ZFP62: variants seen among roughly 807,000 people sequenced by gnomAD.
ZFP62 encodes ZFP62 zinc finger protein, also known as zinc finger protein 62 homolog.
Under a neutral mutation model 56.4 loss-of-function variants are expected in ZFP62, and 44 were observed. The ratio of observed to expected loss-of-function variants is 0.78; its 90% CI spans 0.61 to 1.00. ZFP62 has a LOEUF of 1.00. Among genes scored for constraint, ZFP62 ranks in the 50% least tolerant of loss-of-function variants. ZFP62 has a pLI of 0.00. For synonymous variants in ZFP62, 421 were observed against 388.9 expected (o/e 1.08, Z -0.97); for missense variants, 1,030 against 1,085.7 (o/e 0.95, Z 0.72).
chr5:180,840,739 G>A, the ZFP62 span, among the ~76,000 whole-genome samples: 1 of 151,864 alleles, frequency 6.6e-6, no homozygotes, highest in Non-Finnish European at 1.5e-5. Context: ...TAGCCTGGGC[G>A]ACAGAGCGAG....
downstream of ZFP62, chr5:180,847,543 T>A: frequency 1.0e-6 from 1 of 971,882 alleles, no homozygotes; most frequent in Non-Finnish European, 1.2e-6. Context: ...GGATCTGGTA[T>A]AACTTACCCA....
chr5:180,858,257 C>CAA lies in ZFP62; in HGVS notation c.1+2960_1+2961dup, dbSNP rs1159409435. ...GGGCAAGAAGAGTGAAACTCTGTCT[C>CAA]AAAAAAAAAAAAAAAAAAAAAGAAA... On this transcript the variant is annotated intron_variant, in intron 1 of 1. Coordinates refer to ENST00000502412, the MANE Select transcript of ZFP62 (RefSeq NM_001172638.2). Among the ~76,000 whole-genome samples, 127 of 40,250 alleles carry CAA rather than the reference C, an allele frequency of 3.2e-3. 5 individuals carry two copies. The highest frequency in any genetic ancestry group is 0.015 in the South Asian group (8 of 534). 26.4% of individuals were successfully genotyped at this position (40,250 alleles called of 152,430 possible). A position where few individuals can be genotyped will look rare whatever the true frequency, so the allele number is the denominator to read the frequency against.
chr5:180,828,374 C>T, the ZFP62 span, among the ~76,000 whole-genome samples: 1 of 152,150 alleles, frequency 6.6e-6, no homozygotes, highest in African/African-American at 2.4e-5. Flanking sequence ...GTGGGCAACA[C>T]CCCAATCCTC....
chr5:180,835,969 A>G, the ZFP62 span, among the ~76,000 whole-genome samples: 1 of 152,248 alleles, frequency 6.6e-6, no homozygotes, highest in Non-Finnish European at 1.5e-5. Context: ...CCATACAATT[A>G]TAACACCATT....
intron 1 of ZFP62, among the ~76,000 whole-genome samples, chr5:180,856,952 CAAAAAAAAAAAAA>C (rs758729037): frequency 3.1e-5 from 2 of 63,698 alleles, no homozygotes; most frequent in Non-Finnish European, 5.3e-5. Context: ...GACTATGTCT[CAAAAAAAAAAAAA>C]AAAAAAAAAA....
chr5:180,838,981 TACTA>T, the ZFP62 span, among the ~76,000 whole-genome samples: 5 of 152,214 alleles, frequency 3.3e-5, no homozygotes, highest in Non-Finnish European at 5.9e-5. Flanking sequence ...ACACTGTTGA[TACTA>T]ACAAAAACTG....
intron 1 of ZFP62, among the ~76,000 whole-genome samples, chr5:180,852,527 C>T (rs1415930977): frequency 1.3e-5 from 2 of 149,068 alleles, no homozygotes; most frequent in Admixed American, 6.7e-5. Flanking sequence ...GCACTCCAGC[C>T]TGGTGACAGA....
At chr5:180,827,214 T>C in the ZFP62 span, among the ~76,000 whole-genome samples, 9 of 152,162 alleles carry the variant, frequency 5.9e-5, no homozygotes, top group Non-Finnish European at 1.2e-4. Context: ...AGTTGCCCCT[T>C]CACTTCTGCT....
chr5:180,828,315 T>C, the ZFP62 span, among the ~76,000 whole-genome samples: 1 of 152,176 alleles, frequency 6.6e-6, no homozygotes, highest in Admixed American at 6.5e-5. Flanking sequence ...AGTTGACACC[T>C]AGCTCTTTGG....
At chr5:180,828,234 C>T in the ZFP62 span, among the ~76,000 whole-genome samples, 22 of 152,346 alleles carry the variant, frequency 1.4e-4, no homozygotes, top group African/African-American at 3.8e-4. Context: ...ACCCCTTCAA[C>T]GTGCCCTGCC....
rs1169542911 is a variant in ZFP62, at chr5:180,849,883, A to G, written c.1612T>C (p.Cys538Arg). 6.4e-7 allele frequency: 1 copy of G among 1,551,624 alleles called. No homozygotes were observed. Among genetic ancestry groups the G allele is most frequent in the South Asian group, 1.2e-5 (1 of 84,052 alleles). ...GAATTATTTCTGAAAGCTTTACCAC[A>G]CTCATCACACCCAAAGGGTTTTTCC... Reference protein sequence around the residue: ...TREKPFGCDECGKAFRNNSGL... With the variant: ...TREKPFGCDERGKAFRNNSGL... Residue 538 changes from cysteine (C) to arginine (R), a missense_variant, in exon 2 of 2, where the codon TGT (cysteine) becomes CGT (arginine). Transcript: ENST00000502412.
At chr5:180,858,279 GA>G (rs1345418139) in intron 1 of ZFP62, among the ~76,000 whole-genome samples, 1 of 108,186 alleles carries the variant, frequency 9.2e-6, no homozygotes, top group Non-Finnish European at 1.8e-5. Flanking sequence ...AAAAAAAAAA[GA>G]AAAAAAGAAA....
intron 1 of ZFP62, among the ~76,000 whole-genome samples, chr5:180,857,451 T>C (rs1774048566): frequency 6.6e-6 from 1 of 152,176 alleles, no homozygotes; most frequent in African/African-American, 2.4e-5. Context: ...CAGAGCTAAT[T>C]TAGGCTGGTA....
chr5:180,837,665 A>G, the ZFP62 span, among the ~76,000 whole-genome samples: 1 of 152,204 alleles, frequency 6.6e-6, no homozygotes, highest in African/African-American at 2.4e-5. Flanking sequence ...AATTTCTCCC[A>G]TTGAAATTTA....
At chr5:180,845,321 C>T (rs923122083), downstream of ZFP62, among the ~76,000 whole-genome samples, 1 of 85,582 alleles carries the variant, frequency 1.2e-5, no homozygotes. Flanking sequence ...AGAACGAGAC[C>T]GTCTTAAAAA....
chr5:180,860,882 G>C (rs997774446), intron 1 of ZFP62, among the ~76,000 whole-genome samples: 1 of 152,134 alleles, frequency 6.6e-6, no homozygotes, highest in South Asian at 2.1e-4. Context: ...ATCCAAAACA[G>C]GGATGAATAG....
chr5:180,845,674 G>A (rs1773397105), downstream of ZFP62: 11 of 982,624 alleles, frequency 1.1e-5, no homozygotes, highest in Admixed American at 6.1e-5. Context: ...CCCCAGCCCA[G>A]GAACTCCTTG....
At position 180,849,144 on chromosome 5, in the gene ZFP62, G is replaced by A. The variant is rs1386534429; in HGVS notation, c.2351C>T (p.Pro784Leu). The change falls in exon 2 of 2, where the codon CCC becomes CTC. Residue 784 changes from proline (P) to leucine (L), a missense_variant. By Grantham distance (98) the Pro-to-Leu change is moderately conservative. Transcript: ENST00000502412. ...CTTCCCACACTCATCACATTCATAG[G>A]GTTTCTCACCTGTGTGGATCCTTTT... is the stretch of plus-strand genomic sequence containing the variant. ...VHKRIHTGEK[P>L]YECDECGKAY... 6.4e-7 allele frequency: 1 copy of A among 1,563,192 alleles called. No individual in the cohort carries two copies.
chr5:180,849,359 T>C lies in ZFP62; in HGVS notation c.2136A>G (p.Ser712=). 6.4e-7 allele frequency: 1 copy of C among 1,551,828 alleles called. No homozygotes were observed. Among genetic ancestry groups the C allele is most frequent in the Non-Finnish European group, 8.7e-7 (1 of 1,147,034 alleles). ...TCDECGKAFF[S]SRTLISHKRV... ...TTTTATGGCTTATAAGAGTTCTGCT[T>C]GAGAAAAAAGCTTTTCCACATTCAT... Residue 712 remains serine (S), a synonymous_variant, in exon 2 of 2, where the codon TCA becomes TCG. Transcript: ENST00000502412.
Sources: gnomAD v4.1 joint callset for allele counts (sites outside exome capture counted in the v4.1 genomes callset) on GRCh38, gnomAD v4.1.1 for gene constraint, MANE v1.5 for transcripts, NCBI Gene and HGNC (gene_info 2026-07-23, HGNC 2026-07-21) for gene names.